The following HHIPL2 variants were observed in gnomAD, a reference collection of about 807,000 sequenced individuals.
HHIPL2 encodes HHIP-like protein 2.
A neutral mutation model predicts 61.0 loss-of-function variants in HHIPL2; 61 were observed. The ratio of observed to expected loss-of-function variants is 1.00; its 90% CI spans 0.81 to 1.24. HHIPL2 has a LOEUF of 1.24. Ranked by LOEUF, HHIPL2 falls within the 50% of genes most tolerant of loss-of-function variation. The pLI, the probability that HHIPL2 is intolerant of heterozygous loss-of-function variation, is 0.00. For synonymous variants in HHIPL2, 343 were observed against 357.4 expected (o/e 0.96, Z 0.45); for missense variants, 885 against 910.2 (o/e 0.97, Z 0.36).
At chr1:222,540,402 G>A (rs1659406731) in intron 3 of HHIPL2, 61 bp from the exon 4 acceptor site, 1 of 1,422,094 alleles carries the variant, frequency 7.0e-7, no homozygotes, top group Non-Finnish European at 9.6e-7. Context: ...AGGACTGGAA[G>A]AGATCGCCCA....
At chr1:222,535,634 T>C (rs1007362599) in intron 5 of HHIPL2, among the ~76,000 whole-genome samples, 5 of 152,158 alleles carry the variant, frequency 3.3e-5, no homozygotes, top group African/African-American at 1.2e-4. Flanking sequence ...CCTTGACTCA[T>C]GGCCCCACAT....
intron 6 of HHIPL2, among the ~76,000 whole-genome samples, chr1:222,531,765 T>C (rs944827566): frequency 6.6e-6 from 1 of 152,102 alleles, no homozygotes; most frequent in Non-Finnish European, 1.5e-5. Flanking sequence ...AAAATAATTA[T>C]ATCGTGGGGG....
Position 222,543,873 on chromosome 1 carries a change from G to A in HHIPL2, c.638C>T (p.Ala213Val). 6.2e-7 allele frequency: 1 copy of A among 1,614,152 alleles called. No individual in the cohort carries two copies. The highest frequency in any genetic ancestry group is 8.5e-7 in the Non-Finnish European group (1 of 1,180,026). Residue 213 changes from alanine to valine, a missense_variant, in exon 2 of 9, where the codon GCC becomes GTC. Coordinates refer to ENST00000343410, the MANE Select transcript of HHIPL2 (RefSeq NM_024746.4). ...GCLQLCLSEV[A>V]NGLRNPVSMV... ...GGAGACGGGGTTCCTCAGCCCGTTGGCCACCTCGCTCAGGCAGAGCTGCAG... is the reference window on the plus strand; with the variant it reads ...GGAGACGGGGTTCCTCAGCCCGTTGACCACCTCGCTCAGGCAGAGCTGCAG...
At chr1:222,546,715 A>T (rs996142785) in intron 1 of HHIPL2, among the ~76,000 whole-genome samples, 6 of 152,176 alleles carry the variant, frequency 3.9e-5, no homozygotes, top group African/African-American at 1.4e-4. Context: ...AGGCGGTGCC[A>T]CCCAGGTGGC....
chr1:222,540,451 G>A, intron 3 of HHIPL2, 110 bp from the exon 4 acceptor site: 1 of 779,052 alleles, frequency 1.3e-6, no homozygotes, highest in Non-Finnish European at 2.0e-6. Context: ...AGACTGCTAA[G>A]GATCCCATGG....
chr1:222,547,622 T>G, intron 1 of HHIPL2, 102 bp downstream of exon 1: 4 of 998,848 alleles, frequency 4.0e-6, no homozygotes, highest in Non-Finnish European at 6.0e-6. Context: ...ACCCGGCACA[T>G]GAACTTCTAA....
At chr1:222,523,825 G>T in intron 7 of HHIPL2, 131 bp from the exon 8 acceptor site, 3 of 777,416 alleles carry the variant, frequency 3.9e-6, no homozygotes, top group East Asian at 2.5e-5. Flanking sequence ...TGGGGTAGAT[G>T]TAACAGGAAA....
intron 5 of HHIPL2, among the ~76,000 whole-genome samples, chr1:222,537,890 C>G (rs1659335856): frequency 6.6e-6 from 1 of 152,176 alleles, no homozygotes. Context: ...GATCTCTACA[C>G]TGAAGACTAT....
At chr1:222,527,196 A>G in intron 6 of HHIPL2, 146 bp from the exon 7 acceptor site, 1 of 654,796 alleles carries the variant, frequency 1.5e-6, no homozygotes, top group East Asian at 2.7e-5. Flanking sequence ...CCTAACTGGC[A>G]TCAGCTCTGC....
chr1:222,541,926 G>A, intron 3 of HHIPL2, 86 bp downstream of exon 3: 1 of 1,395,556 alleles, frequency 7.2e-7, no homozygotes, highest in Non-Finnish European at 9.7e-7. Flanking sequence ...TGCAGTGTGT[G>A]ATTTGAGTTT....
chr1:222,532,001 C>T lies in HHIPL2; in HGVS notation c.1688G>A (p.Ser563Asn), dbSNP rs768692449. ...TTCAGCAAAGGAGATGATGAACTTG[C>T]TATGGGTGCTGATCAGCCCTGGGAA... The part of the protein sequence containing the change: ...CAFPGLISTH[S>N]KFIISFAEDE... The change falls in exon 6 of 9, where the codon AGC becomes AAC. Residue 563 changes from serine to asparagine, a missense_variant. Transcript: ENST00000343410. The T allele has an allele frequency of 7.9e-5, 128 of 1,611,160 alleles. No homozygotes were observed. Among genetic ancestry groups the T allele is most frequent in the Non-Finnish European group, 1.0e-4 (121 of 1,177,746 alleles).
intron 6 of HHIPL2, among the ~76,000 whole-genome samples, chr1:222,531,602 G>A (rs1438268101): frequency 6.6e-6 from 1 of 152,144 alleles, no homozygotes; most frequent in Non-Finnish European, 1.5e-5. Flanking sequence ...ACAAACGTTA[G>A]CTGGGCATGG....
At chr1:222,545,163 A>AT (rs1201077977) in intron 1 of HHIPL2, among the ~76,000 whole-genome samples, 1 of 152,180 alleles carries the variant, frequency 6.6e-6, no homozygotes, top group African/African-American at 2.4e-5. Context: ...AGAAAGCCCA[A>AT]TTCAAAGGGT....
At chr1:222,523,087 G>T (rs907312667) in intron 8 of HHIPL2, among the ~76,000 whole-genome samples, 200 bp from the exon 9 acceptor site, 6 of 152,090 alleles carry the variant, frequency 3.9e-5, no homozygotes, top group African/African-American at 1.4e-4. Flanking sequence ...GTTTCCTTAA[G>T]ATAGTATCCT....
intron 5 of HHIPL2, among the ~76,000 whole-genome samples, chr1:222,532,847 G>A (rs1571768803): frequency 1.6e-5 from 2 of 122,874 alleles, no homozygotes; most frequent in Non-Finnish European, 3.4e-5. Flanking sequence ...CATAGTAAGG[G>A]TTAAAAAAAC....
rs768769340 is a variant in HHIPL2, at chr1:222,544,005, C to T, written c.506G>A (p.Cys169Tyr). 7.7e-5 allele frequency: 125 copies of T among 1,613,972 alleles called. 2 individuals carry two copies. In the Admixed American group the frequency reaches 1.7e-3, roughly 22 times the overall value. The change falls in exon 2 of 9, where the codon TGC becomes TAC. Residue 169 changes from cysteine to tyrosine, a missense_variant. Physicochemically the swap from Cys to Tyr is radical, Grantham distance 194. Transcript: ENST00000343410. ...CTTGTCAGGAAGGTCCAGGAGGTGG[C>T]AGAAGCGGGTACCGTCCCTTCCATG... ...ESHGRDGTRFCHLLDLPDKDY... is the reference protein window; with the variant it reads ...ESHGRDGTRFYHLLDLPDKDY...
chr1:222,526,360 G>A (rs1571763507), intron 7 of HHIPL2, among the ~76,000 whole-genome samples: 1 of 151,306 alleles, frequency 6.6e-6, no homozygotes, highest in Admixed American at 6.6e-5. Flanking sequence ...GCTCAGAGGT[G>A]TACACCTGTT....
chr1:222,542,687 T>C (rs1659459108), intron 2 of HHIPL2, among the ~76,000 whole-genome samples: 1 of 152,002 alleles, frequency 6.6e-6, no homozygotes, highest in Admixed American at 6.6e-5. Flanking sequence ...TGTGCCACCA[T>C]GCCTGGCTAA....
intron 1 of HHIPL2, among the ~76,000 whole-genome samples, chr1:222,547,170 C>T (rs1659571993): frequency 6.6e-6 from 1 of 152,196 alleles, no homozygotes; most frequent in Non-Finnish European, 1.5e-5. Context: ...CACTGCTACT[C>T]AGCAGCTTGC....
Sources: gnomAD v4.1 joint callset for allele counts (sites outside exome capture counted in the v4.1 genomes callset) on GRCh38, gnomAD v4.1.1 for gene constraint, MANE v1.5 for transcripts, NCBI Gene and HGNC (gene_info 2026-07-23, HGNC 2026-07-21) for gene names.